The following CPED1 variants were observed in gnomAD, a reference collection of about 807,000 sequenced individuals.
CPED1 encodes the protein cadherin-like and PC-esterase domain-containing protein 1.
In CPED1, 114 loss-of-function variants were observed where a neutral mutation model predicts 128.2. The ratio of observed to expected loss-of-function variants is 0.89; its 90% CI spans 0.76 to 1.04. The LOEUF is 1.04. CPED1 is among the 50% of genes least tolerant of loss of function. The pLI is 0.00. For synonymous variants in CPED1, 462 were observed against 426.7 expected, an observed-to-expected ratio of 1.08 and a Z score of -1.02; for missense variants, 1,211 against 1,207.1, an observed-to-expected ratio of 1.00 and a Z score of -0.05.
At chr7:121,218,614 T>C (rs1324188928) in intron 16 of CPED1, among the ~76,000 whole-genome samples, 2 of 151,954 alleles carry the variant, frequency 1.3e-5, no homozygotes, top group African/African-American at 2.4e-5. Flanking sequence ...TTGGCAACTA[T>C]ACATCAATTA....
At chr7:121,163,231 C>T (rs1267131283) in intron 16 of CPED1, among the ~76,000 whole-genome samples, 2 of 152,204 alleles carry the variant, frequency 1.3e-5, no homozygotes, top group Non-Finnish European at 2.9e-5. Context: ...AATGTCATTT[C>T]ATCATTTCTA....
At chr7:121,177,555 T>C (rs1375518539) in intron 16 of CPED1, among the ~76,000 whole-genome samples, 1 of 152,048 alleles carries the variant, frequency 6.6e-6, no homozygotes, top group Non-Finnish European at 1.5e-5. Flanking sequence ...ATATATTGTG[T>C]ACAAGCCAAA....
chr7:121,142,203 A>G (rs1198044706), intron 16 of CPED1, 62 bp downstream of exon 16: 2 of 1,365,856 alleles, frequency 1.5e-6, no homozygotes, highest in East Asian at 4.7e-5. Context: ...CCCAGGCGGA[A>G]AATGCCAAAT....
chr7:121,172,340 A>C (rs754446791), intron 16 of CPED1, among the ~76,000 whole-genome samples: 9 of 151,510 alleles, frequency 5.9e-5, no homozygotes, highest in Non-Finnish European at 1.2e-4. Context: ...GTATTTTTCT[A>C]TCTCACAGTT....
At chr7:121,154,368 G>T (rs1796232473) in intron 16 of CPED1, among the ~76,000 whole-genome samples, 1 of 152,042 alleles carries the variant, frequency 6.6e-6, no homozygotes, top group Admixed American at 6.6e-5. Flanking sequence ...TCCTTGTCTT[G>T]TTCTAGTCCT....
At chr7:121,134,285 A>G (rs1421440445) in intron 13 of CPED1, among the ~76,000 whole-genome samples, 1 of 152,094 alleles carries the variant, frequency 6.6e-6, no homozygotes, top group Non-Finnish European at 1.5e-5. Flanking sequence ...GTTATTTGTG[A>G]CATAGATAGT....
chr7:121,261,963 A>G, intron 18 of CPED1: 2 of 421,148 alleles, frequency 4.7e-6, no homozygotes, highest in Middle Eastern at 7.0e-4. Context: ...TCATGTTGAA[A>G]TGTGATCCCC....
Position 121,179,507 on chromosome 7 carries a change from C to T in CPED1, c.2055+37366C>T, listed in dbSNP as rs149528567. On this transcript the variant is annotated intron_variant, in intron 16 of 22. Coordinates refer to ENST00000310396, the MANE Select transcript of CPED1 (RefSeq NM_024913.5). ...TATCACAATAGTGTGCAGAATGGAA[C>T]GTTTCTGGCATATTCTTCTAAGCAG... 7.0e-4 allele frequency among the ~76,000 whole-genome samples: 106 copies of T among 152,200 alleles called. 1 individual carries two copies. Among genetic ancestry groups the T allele is most frequent in the African/African-American group, 2.5e-3 (102 of 41,542 alleles).
At chr7:121,253,362 A>C (rs1159690029) in intron 18 of CPED1, among the ~76,000 whole-genome samples, 2 of 151,370 alleles carry the variant, frequency 1.3e-5, no homozygotes, top group Admixed American at 6.6e-5. Context: ...ACCTAATTCT[A>C]AATGACGAGT....
At chr7:120,995,284 T>C (rs1285519334) in intron 2 of CPED1, among the ~76,000 whole-genome samples, 2 of 152,194 alleles carry the variant, frequency 1.3e-5, no homozygotes, top group East Asian at 3.9e-4. Context: ...CTATTTTCAG[T>C]CTACATCCTT....
At chr7:121,008,367 A>G (rs139593572) in intron 2 of CPED1, among the ~76,000 whole-genome samples, 1 of 152,284 alleles carries the variant, frequency 6.6e-6, no homozygotes, top group East Asian at 1.9e-4. Context: ...CATCATTGCC[A>G]GTCATTTCTT....
At chr7:121,028,551 A>G (rs941899341) in intron 3 of CPED1, among the ~76,000 whole-genome samples, 1 of 152,210 alleles carries the variant, frequency 6.6e-6, no homozygotes, top group Admixed American at 6.5e-5. Flanking sequence ...TGATAGCACA[A>G]GCAGCTGAAT....
chr7:121,197,843 C>T (rs1004084156), intron 16 of CPED1, among the ~76,000 whole-genome samples: 1 of 152,070 alleles, frequency 6.6e-6, no homozygotes, highest in Middle Eastern at 3.2e-3. Context: ...GCAAGCTGTC[C>T]AAATTGCCTC....
intron 17 of CPED1, among the ~76,000 whole-genome samples, chr7:121,240,650 A>G (rs752851009): frequency 7.2e-5 from 11 of 151,768 alleles, no homozygotes; most frequent in Non-Finnish European, 1.5e-4. Flanking sequence ...CTAATATGAT[A>G]AAAGGATAGG....
chr7:121,065,565 C>A (rs1288411190), intron 5 of CPED1, among the ~76,000 whole-genome samples: 2 of 152,024 alleles, frequency 1.3e-5, no homozygotes, highest in Non-Finnish European at 2.9e-5. Context: ...AATGCTTGAT[C>A]CAGAACATTA....
At chr7:121,175,808 GA>G (rs1427878638) in intron 16 of CPED1, among the ~76,000 whole-genome samples, 1 of 152,048 alleles carries the variant, frequency 6.6e-6, no homozygotes, top group African/African-American at 2.4e-5. Context: ...CCCACTGTAA[GA>G]AAGAGCGATA....
chr7:121,224,082 T>A (rs1397195365), intron 16 of CPED1, among the ~76,000 whole-genome samples: 1 of 152,204 alleles, frequency 6.6e-6, no homozygotes, highest in Non-Finnish European at 1.5e-5. Flanking sequence ...TCCTGATTTC[T>A]CTTTTGGGCA....
chr7:121,117,587 T>C (rs1320692923), intron 7 of CPED1, among the ~76,000 whole-genome samples: 1 of 152,096 alleles, frequency 6.6e-6, no homozygotes, highest in Non-Finnish European at 1.5e-5. Flanking sequence ...CACTAGCACT[T>C]CATTTTTGGC....
chr7:121,267,840 G>A (rs183476558), intron 21 of CPED1, among the ~76,000 whole-genome samples: 2 of 152,108 alleles, frequency 1.3e-5, no homozygotes, highest in Non-Finnish European at 2.9e-5. Flanking sequence ...TAATGACCCT[G>A]GTGAGCACTG....
Sources: gnomAD v4.1 joint callset for allele counts (sites outside exome capture counted in the v4.1 genomes callset) on GRCh38, gnomAD v4.1.1 for gene constraint, MANE v1.5 for transcripts, NCBI Gene and HGNC (gene_info 2026-07-23, HGNC 2026-07-21) for gene names.